MPDZ: variants seen among roughly 807,000 people sequenced by gnomAD.
MPDZ encodes the protein multiple PDZ domain crumbs cell polarity complex component.
A neutral mutation model predicts 239.1 loss-of-function variants in MPDZ; 234 were observed. The ratio of observed to expected loss-of-function variants is 0.98; its 90% CI spans 0.88 to 1.09. The LOEUF is 1.09. Ranked by LOEUF, MPDZ falls within the 50% of genes least tolerant of loss-of-function variation. The pLI is 0.00. For synonymous variants in MPDZ, 1,048 were observed against 881.3 expected (o/e 1.19, Z -3.35); for missense variants, 3,175 against 2,510.0 (o/e 1.26, Z -5.66).
Position 13,192,670 on chromosome 9 carries a change from T to C in MPDZ, c.1804-375A>G, listed in dbSNP as rs549252068. On this transcript the variant is annotated intron_variant, in intron 14 of 46. Transcript: ENST00000319217. ...AAAAAAAAAATTGGACAATGACATA[T>C]ATTGTATGCTAGTGTACTTTAAAAA... Among the ~76,000 whole-genome samples the C allele has an allele frequency of 2.6e-4, 39 of 152,196 alleles. No homozygotes were observed. In the South Asian group the frequency reaches 8.1e-3, roughly 32 times the overall value.
intron 38 of MPDZ, chr9:13,120,041 G>A (rs1944097065): frequency 5.5e-6 from 1 of 181,116 alleles, no homozygotes; most frequent in Non-Finnish European, 1.2e-5. Flanking sequence ...ATATTAACTT[G>A]TGGTTACATA....
intron 1 of MPDZ, among the ~76,000 whole-genome samples, chr9:13,260,658 T>C (rs571931414): frequency 1.3e-5 from 2 of 152,194 alleles, no homozygotes; most frequent in Admixed American, 6.5e-5. Flanking sequence ...CCAATAGAAT[T>C]GGTGGTCTTC....
At chr9:13,121,006 T>A (rs1197791676) in intron 38 of MPDZ, among the ~76,000 whole-genome samples, 1 of 152,238 alleles carries the variant, frequency 6.6e-6, no homozygotes, top group Non-Finnish European at 1.5e-5. Flanking sequence ...TTATGAAACT[T>A]GCTGGATTAT....
intron 1 of MPDZ, among the ~76,000 whole-genome samples, chr9:13,254,119 T>G (rs1968814965): frequency 6.6e-6 from 1 of 152,040 alleles, no homozygotes; most frequent in Admixed American, 6.6e-5. Flanking sequence ...CTACATAAAG[T>G]GAAACCAAAG....
chr9:13,126,471 C>G (rs10738323), intron 34 of MPDZ, 45 bp downstream of exon 34: 865,567 of 1,338,990 alleles, frequency 0.65, 285,937 homozygotes, highest in Non-Finnish European at 0.68. Flanking sequence ...TAATCATGCC[C>G]AAGGATGGGC....
chr9:13,204,421 T>C (rs937798301), intron 12 of MPDZ, among the ~76,000 whole-genome samples: 1 of 152,080 alleles, frequency 6.6e-6, no homozygotes, highest in Non-Finnish European at 1.5e-5. Flanking sequence ...AATCTGTCTC[T>C]AATACGAATA....
intron 3 of MPDZ, among the ~76,000 whole-genome samples, chr9:13,238,807 T>C (rs920334407): frequency 6.6e-6 from 1 of 152,048 alleles, no homozygotes; most frequent in Admixed American, 6.6e-5. Context: ...AAACATTGAA[T>C]GCAGAAGCCG....
At position 13,179,864 on chromosome 9, in the gene MPDZ, C is replaced by T. The variant is rs117352505; in HGVS notation, c.2650-3447G>A. Among the ~76,000 whole-genome samples, 381 of 152,230 alleles carry T rather than the reference C, an allele frequency of 2.5e-3. 9 individuals are homozygous for T. In the East Asian group the frequency reaches 0.059, roughly 24 times the overall value. On this transcript the variant is annotated intron_variant, in intron 19 of 46. Transcript: ENST00000319217. ...TATTTACAAAAACTAACTAAATACA[C>T]GAGCATTTAATAGCCATAACCTGCT...
chr9:13,117,907 C>T (rs952383673), intron 39 of MPDZ, among the ~76,000 whole-genome samples: 21 of 144,352 alleles, frequency 1.5e-4, no homozygotes, highest in Non-Finnish European at 2.4e-4. Context: ...TGCAATGATG[C>T]GATCTCGGCT....
chr9:13,186,634 C>T lies in MPDZ; in HGVS notation c.2365-248G>A, dbSNP rs572592075. Among the ~76,000 whole-genome samples, 37 of 150,934 alleles carry T rather than the reference C, an allele frequency of 2.5e-4. 2 individuals carry two copies. The South Asian group carries it at 6.5e-3, about 26-fold the overall frequency. ...TAAAAATCACCTGTTGGATGAGAAT[C>T]CCTTTCTACTAATTTTTCATTCTTC... On this transcript the variant is annotated intron_variant, in intron 17 of 46. Transcript: ENST00000319217.
Position 13,112,098 on chromosome 9 carries a change from G to C in MPDZ, c.5650C>G (p.Pro1884Ala). Reference protein sequence around the residue: ...GISIAGGVGSPLGDVPIFIAM... With the variant: ...GISIAGGVGSALGDVPIFIAM... Reference sequence around the variant, plus strand: ...ATAAATATAGGCACATCACCAAGTGGGCTGCCTACTCCTCCAGCGATGCTG... The same window carrying C: ...ATAAATATAGGCACATCACCAAGTGCGCTGCCTACTCCTCCAGCGATGCTG... Residue 1884 changes from proline to alanine, a missense_variant, in exon 43 of 47, where the codon CCA becomes GCA. Coordinates refer to ENST00000319217, the MANE Select transcript of MPDZ (RefSeq NM_001378778.1). 1 of 1,613,258 alleles carries C rather than the reference G, an allele frequency of 6.2e-7. No individual in the cohort carries two copies. The highest frequency in any genetic ancestry group is 2.2e-5 in the East Asian group (1 of 44,852).
chr9:13,128,756 G>A (rs1945481733), intron 32 of MPDZ, among the ~76,000 whole-genome samples: 1 of 152,146 alleles, frequency 6.6e-6, no homozygotes, highest in African/African-American at 2.4e-5. Context: ...TGGAACTTTT[G>A]CTCAGAAGGC....
intron 32 of MPDZ, among the ~76,000 whole-genome samples, chr9:13,129,190 T>C (rs1945559066): frequency 6.6e-6 from 1 of 152,234 alleles, no homozygotes; most frequent in Non-Finnish European, 1.5e-5. Context: ...AGGCTGGGCG[T>C]GGTGGCTCAG....
chr9:13,123,028 A>G (rs1944588403), intron 36 of MPDZ, 125 bp downstream of exon 36: 1 of 1,025,604 alleles, frequency 9.8e-7, no homozygotes, highest in African/African-American at 1.6e-5. Context: ...AAATTAAAAT[A>G]ACAAATACAG....
At chr9:13,130,879 G>A (rs961741971) in intron 32 of MPDZ, among the ~76,000 whole-genome samples, 1 of 152,120 alleles carries the variant, frequency 6.6e-6, no homozygotes, top group African/African-American at 2.4e-5. Flanking sequence ...AGGCAGATGG[G>A]GCCCAGTAGC....
At chr9:13,201,869 G>A (rs1460275994) in intron 12 of MPDZ, among the ~76,000 whole-genome samples, 3 of 151,946 alleles carry the variant, frequency 2.0e-5, no homozygotes, top group Non-Finnish European at 4.4e-5. Context: ...ATTTCATTTT[G>A]TTTTCTATCC....
intron 32 of MPDZ, among the ~76,000 whole-genome samples, chr9:13,131,954 G>A (rs1391686852): frequency 6.6e-6 from 1 of 152,108 alleles, no homozygotes; most frequent in East Asian, 1.9e-4. Flanking sequence ...ATGGTTAATT[G>A]CCTCTTCTGT....
In MPDZ at chr9:13,113,983, G is replaced by C. The variant is rs779613680; in HGVS notation, c.5505C>G (p.Leu1835=). 1.3e-6 allele frequency: 2 copies of C among 1,598,778 alleles called. No homozygotes were observed. Among genetic ancestry groups the C allele is most frequent in the East Asian group, 4.5e-5 (2 of 44,568 alleles). Residue 1835 remains leucine, a synonymous_variant, in exon 41 of 47, where the codon CTC becomes CTG. Coordinates refer to ENST00000319217, the MANE Select transcript of MPDZ (RefSeq NM_001378778.1). ...GTGACTCAGATGTACTGGATCCAGA[G>C]AGTGGAAAAGTGAAAGATGACAGGC... is the stretch of plus-strand genomic sequence containing the variant. The part of the protein sequence containing the change: ...EGSLSSFTFP[L]SGSSTSESLE...
intron 1 of MPDZ, among the ~76,000 whole-genome samples, chr9:13,272,636 T>C (rs1205158066): frequency 2.1e-5 from 3 of 140,302 alleles, no homozygotes; most frequent in Non-Finnish European, 4.5e-5. Context: ...GGCGGGGAGA[T>C]CACCTGACCT....
Sources: allele counts gnomAD v4.1 joint callset (sites outside exome capture counted in the v4.1 genomes callset), GRCh38; gene constraint gnomAD v4.1.1; transcripts MANE v1.5; gene names NCBI Gene and HGNC (gene_info 2026-07-23, HGNC 2026-07-21).